The following RBFOX1 variants were observed in gnomAD, a reference collection of about 807,000 sequenced individuals.
The protein encoded by RBFOX1 is RNA binding fox-1 homolog 1.
In RBFOX1, 8 loss-of-function variants were observed where a neutral mutation model predicts 57.7. The ratio of observed to expected loss-of-function variants is 0.14; its 90% CI spans 0.08 to 0.25. RBFOX1 has a LOEUF of 0.25. RBFOX1 is among the 10% of genes least tolerant of loss of function. The pLI, the probability that RBFOX1 is intolerant of heterozygous loss-of-function variation, is 1.00. For synonymous variants in RBFOX1, 326 were observed against 222.4 expected (o/e 1.47, Z -4.15); for missense variants, 611 against 548.5 (o/e 1.11, Z -1.14).
chr16:7,669,581 C>G (rs570677815), intron 13 of RBFOX1, among the ~76,000 whole-genome samples: 29 of 152,116 alleles, frequency 1.9e-4, no homozygotes, highest in Non-Finnish European at 3.1e-4. Flanking sequence ...TCTTGAGATT[C>G]CAGTGCATTT....
chr16:6,695,547 C>A (rs1046601342), intron 3 of RBFOX1, among the ~76,000 whole-genome samples: 1 of 151,532 alleles, frequency 6.6e-6, no homozygotes, highest in Admixed American at 6.6e-5. Flanking sequence ...AAGTGGCCGA[C>A]GCGCCTATTA....
chr16:6,549,900 C>G (rs914801713), intron 2 of RBFOX1, among the ~76,000 whole-genome samples: 1 of 152,158 alleles, frequency 6.6e-6, no homozygotes, highest in Non-Finnish European at 1.5e-5. Context: ...CGTACTTTGA[C>G]TACTACCCAG....
chr16:6,798,100 A>C (rs1567291158), intron 3 of RBFOX1, among the ~76,000 whole-genome samples: 1 of 152,216 alleles, frequency 6.6e-6, no homozygotes, highest in East Asian at 1.9e-4. Context: ...CCACACCCTT[A>C]AACAGCATCT....
At chr16:6,473,400 G>T (rs1310361146) in intron 2 of RBFOX1, among the ~76,000 whole-genome samples, 4 of 152,016 alleles carry the variant, frequency 2.6e-5, no homozygotes, top group African/African-American at 9.7e-5. Context: ...GCATCTTATC[G>T]AAGGTATGTA....
intron 1 of RBFOX1, among the ~76,000 whole-genome samples, chr16:6,245,951 C>T (rs12445840): frequency 4.3e-3 from 658 of 152,272 alleles, no homozygotes; most frequent in Non-Finnish European, 6.6e-3. Context: ...CTATTTCAGT[C>T]AAAATATGCA....
At chr16:5,518,825 A>G (rs1006815404) in intron 2 of RBFOX1, among the ~76,000 whole-genome samples, 1 of 152,234 alleles carries the variant, frequency 6.6e-6, no homozygotes, top group African/African-American at 2.4e-5. Flanking sequence ...CAGATTCAAG[A>G]TGATGGCTGT....
chr16:5,863,796 T>C (rs571804439), intron 3 of RBFOX1, among the ~76,000 whole-genome samples: 1 of 152,320 alleles, frequency 6.6e-6, no homozygotes, highest in East Asian at 1.9e-4. Flanking sequence ...TGCCTTACCT[T>C]CTACTGTGCC....
At chr16:7,234,248 G>A (rs1374873642) in intron 4 of RBFOX1, among the ~76,000 whole-genome samples, 3 of 152,050 alleles carry the variant, frequency 2.0e-5, no homozygotes, top group African/African-American at 4.8e-5. Flanking sequence ...CTCAGGCCAG[G>A]TAATGAATAA....
intron 2 of RBFOX1, among the ~76,000 whole-genome samples, chr16:6,552,535 T>C (rs1315556216): frequency 6.6e-6 from 1 of 152,230 alleles, no homozygotes; most frequent in Non-Finnish European, 1.5e-5. Context: ...GAATAAATGT[T>C]ACCTGTTATC....
intron 3 of RBFOX1, among the ~76,000 whole-genome samples, chr16:6,809,880 T>C (rs189208537): frequency 4.6e-5 from 7 of 152,206 alleles, no homozygotes; most frequent in African/African-American, 9.6e-5. Flanking sequence ...CTGGAAGTTA[T>C]GAAATTGGAG....
At chr16:5,753,056 A>C (rs971857998) in intron 3 of RBFOX1, among the ~76,000 whole-genome samples, 10 of 152,016 alleles carry the variant, frequency 6.6e-5, no homozygotes, top group African/African-American at 2.2e-4. Flanking sequence ...GCTGCTTGGG[A>C]GGCTGAGGTG....
intron 3 of RBFOX1, among the ~76,000 whole-genome samples, chr16:7,029,408 G>A (rs138673862): frequency 6.6e-6 from 1 of 151,548 alleles, no homozygotes; most frequent in African/African-American, 2.4e-5. Context: ...TGAGTCTTCA[G>A]TTCTTCTTTT....
intron 4 of RBFOX1, among the ~76,000 whole-genome samples, chr16:6,003,240 C>G (rs1169307840): frequency 6.7e-6 from 1 of 148,490 alleles, no homozygotes; most frequent in African/African-American, 2.5e-5. Context: ...GATCGCGCCA[C>G]TGCACTCCAG....
chr16:6,665,310 T>G (rs2098724954), intron 3 of RBFOX1, among the ~76,000 whole-genome samples: 1 of 152,022 alleles, frequency 6.6e-6, no homozygotes, highest in Non-Finnish European at 1.5e-5. Context: ...ATGACTTAAA[T>G]GGACTAAAAA....
In RBFOX1 at chr16:5,424,021, A is replaced by G. The variant is rs79118354; in HGVS notation, c.220-43195A>G. ...ATCTAAGGATAAAGAAGGAGAAATC[A>G]ACCAACCCTCACTGTCCTAGGGACC... On this transcript the variant is annotated intron_variant, in intron 1 of 2. Transcript: ENST00000585867. Among the ~76,000 whole-genome samples the G allele has an allele frequency of 2.3e-4, 35 of 152,308 alleles. No homozygotes were observed. The East Asian group carries it at 6.8e-3, about 29-fold the overall frequency.
intron 3 of RBFOX1, among the ~76,000 whole-genome samples, chr16:6,882,136 C>T (rs1259182692): frequency 6.6e-6 from 1 of 152,164 alleles, no homozygotes. Flanking sequence ...GTCAAGGCTG[C>T]TGATGGTCTT....
intron 3 of RBFOX1, among the ~76,000 whole-genome samples, chr16:6,783,321 T>G (rs2081344031): frequency 6.6e-6 from 1 of 151,696 alleles, no homozygotes; most frequent in Admixed American, 6.6e-5. Flanking sequence ...TCTTCCTTTT[T>G]TTTTTTCTTC....
intron 3 of RBFOX1, among the ~76,000 whole-genome samples, chr16:6,917,919 T>C (rs914576870): frequency 6.6e-6 from 1 of 152,144 alleles, no homozygotes; most frequent in Non-Finnish European, 1.5e-5. Flanking sequence ...CTGGGTATTA[T>C]CCCTTTAGGG....
intron 4 of RBFOX1, among the ~76,000 whole-genome samples, chr16:5,980,849 G>T (rs182693661): frequency 4.6e-5 from 7 of 152,242 alleles, no homozygotes; most frequent in African/African-American, 1.2e-4. Flanking sequence ...ACTTTGTCGG[G>T]CAACGCTGTC....
Sources: allele counts gnomAD v4.1 joint callset (sites outside exome capture counted in the v4.1 genomes callset), GRCh38; gene constraint gnomAD v4.1.1; transcripts MANE v1.5; gene names NCBI Gene and HGNC (gene_info 2026-07-23, HGNC 2026-07-21).